The following PJA2 variants were observed in gnomAD, a reference collection of about 807,000 sequenced individuals.
PJA2 encodes E3 ubiquitin-protein ligase Praja-2.
In PJA2, 25 loss-of-function variants were observed where a neutral mutation model predicts 69.3. The observed-to-expected ratio is 0.36, with a 90% CI of 0.26 to 0.50. The LOEUF (loss-of-function observed/expected upper bound fraction) is 0.50. Among genes scored for constraint, PJA2 ranks in the 20% least tolerant of loss-of-function variants. The pLI is 0.96. For synonymous variants in PJA2, 308 were observed against 277.8 expected (o/e 1.11, Z -1.08); for missense variants, 809 against 830.2 (o/e 0.97, Z 0.31).
chr5:109,378,554 T>C lies in PJA2; in HGVS notation c.933A>G (p.Glu311=). 6.2e-7 allele frequency: 1 copy of C among 1,614,198 alleles called. No individual in the cohort carries two copies. The highest frequency in any genetic ancestry group is 8.5e-7 in the Non-Finnish European group (1 of 1,180,022). ...TTCTAACTTTTGGCCTCACTACCTG[T>C]TCAGGAGAACTTCCATGGTTCTTTT... ...DREKNHGSSP[E]QVVRPKVRKL... The change falls in exon 4 of 10, where the codon GAA becomes GAG. Residue 311 remains glutamate, a synonymous_variant. Coordinates refer to ENST00000361189, the MANE Select transcript of PJA2 (RefSeq NM_014819.5).
At chr5:109,371,579 T>C (rs1382196920) in intron 4 of PJA2, among the ~76,000 whole-genome samples, 1 of 152,188 alleles carries the variant, frequency 6.6e-6, no homozygotes. Flanking sequence ...ACCTATATAG[T>C]CAATTATTAA....
At chr5:109,407,842 A>G (rs546183984) in intron 1 of PJA2, among the ~76,000 whole-genome samples, 2 of 152,302 alleles carry the variant, frequency 1.3e-5, no homozygotes, top group East Asian at 3.9e-4. Context: ...CTAACAGTAT[A>G]AAACAAGATG....
chr5:109,367,234 A>G (rs914808778), intron 5 of PJA2, among the ~76,000 whole-genome samples: 10 of 150,072 alleles, frequency 6.7e-5, no homozygotes, highest in African/African-American at 2.4e-4. Context: ...TCAACCTACC[A>G]CTGTTGAAAC....
rs1180576840 is a variant in PJA2 at position 109,378,718 on chromosome 5, G to C, written c.769C>G (p.Gln257Glu). 1.9e-6 allele frequency: 3 copies of C among 1,613,000 alleles called. No homozygotes were observed. Among genetic ancestry groups the C allele is most frequent in the South Asian group, 1.1e-5 (1 of 91,078 alleles). Residue 257 changes from glutamine (Q) to glutamate (E), a missense_variant, in exon 4 of 10, where the codon CAG becomes GAG. Coordinates refer to ENST00000361189, the MANE Select transcript of PJA2 (RefSeq NM_014819.5). ...EFVHQNSQEI[Q>E]RSSQDEMVST... is the part of the protein sequence containing the mutation. Reference sequence around the variant, plus strand: ...ACCATTTCATCTTGAGAAGACCTCTGAATTTCCTGGCTATTCTGATGGACA... The same window carrying C: ...ACCATTTCATCTTGAGAAGACCTCTCAATTTCCTGGCTATTCTGATGGACA...
intron 7 of PJA2, among the ~76,000 whole-genome samples, chr5:109,346,848 T>C (rs1310078067): frequency 6.6e-6 from 1 of 152,232 alleles, no homozygotes; most frequent in East Asian, 1.9e-4. Flanking sequence ...TAGTAAATTT[T>C]ATATTATGTT....
rs76326948 is a variant in PJA2, at chr5:109,384,387, C to G, written c.-87-867G>C. Among the ~76,000 whole-genome samples, 1,156 of 152,276 alleles carry G rather than the reference C, an allele frequency of 7.6e-3. 13 individuals are homozygous for G. Among genetic ancestry groups the G allele is most frequent in the African/African-American group, 0.026 (1,082 of 41,552 alleles). ...AGAACCTATTTTCAATCAGGAAAAA[C>G]TACAATTTATCATGGAACAAATACA... On this transcript the variant is annotated intron_variant, in intron 1 of 9. Coordinates refer to ENST00000361189, the MANE Select transcript of PJA2 (RefSeq NM_014819.5).
chr5:109,394,498 AT>A (rs1747359732), intron 1 of PJA2, among the ~76,000 whole-genome samples: 1 of 152,174 alleles, frequency 6.6e-6, no homozygotes, highest in Admixed American at 6.5e-5. Context: ...GTTGTATTTC[AT>A]TTTGGGTCTG....
chr5:109,339,730 A>C (rs1456711777), intron 9 of PJA2, among the ~76,000 whole-genome samples: 3 of 152,254 alleles, frequency 2.0e-5, no homozygotes, highest in African/African-American at 4.8e-5. Context: ...TTCATTAGTA[A>C]TAAGTTTACC....
At chr5:109,397,564 A>G (rs116768207) in intron 1 of PJA2, among the ~76,000 whole-genome samples, 5,761 of 151,876 alleles carry the variant, frequency 0.038, 110 homozygotes, top group Middle Eastern at 0.049. Context: ...TATTGCCCAG[A>G]CTGGAGGGCA....
intron 1 of PJA2, among the ~76,000 whole-genome samples, chr5:109,402,252 A>G (rs975901259): frequency 3.9e-5 from 6 of 152,298 alleles, no homozygotes; most frequent in African/African-American, 1.4e-4. Flanking sequence ...TAAATAGTCT[A>G]AACACTTCAA....
At chr5:109,399,527 T>G (rs1260925722) in intron 1 of PJA2, among the ~76,000 whole-genome samples, 1 of 151,970 alleles carries the variant, frequency 6.6e-6, no homozygotes, top group Non-Finnish European at 1.5e-5. Context: ...AAGCACAAGG[T>G]AACACTAAGC....
intron 1 of PJA2, among the ~76,000 whole-genome samples, chr5:109,393,564 T>C (rs1402292765): frequency 6.6e-6 from 1 of 151,896 alleles, no homozygotes; most frequent in Admixed American, 6.6e-5. Flanking sequence ...AGCCCAGGAG[T>C]TCGAGGCTGC....
intron 1 of PJA2, among the ~76,000 whole-genome samples, chr5:109,399,488 G>C (rs780675218): frequency 6.6e-6 from 1 of 152,148 alleles, no homozygotes; most frequent in Non-Finnish European, 1.5e-5. Flanking sequence ...GGAACACTTA[G>C]AAAAATCAGG....
chr5:109,341,172 C>A (rs202217447), intron 9 of PJA2, among the ~76,000 whole-genome samples: 116 of 107,666 alleles, frequency 1.1e-3, no homozygotes, highest in African/African-American at 3.4e-3. Flanking sequence ...TCCGCCCGGC[C>A]GCCATCCCAT....
At chr5:109,353,523 A>C (rs1762318358) in intron 7 of PJA2, among the ~76,000 whole-genome samples, 1 of 130,352 alleles carries the variant, frequency 7.7e-6, no homozygotes, top group South Asian at 2.3e-4. Flanking sequence ...TCTATATATT[A>C]GATATCTATA....
intron 1 of PJA2, among the ~76,000 whole-genome samples, chr5:109,407,894 A>T (rs1225279207): frequency 6.6e-6 from 1 of 152,186 alleles, no homozygotes; most frequent in Non-Finnish European, 1.5e-5. Flanking sequence ...AGAGAGACTC[A>T]ATACTATAAA....
intron 6 of PJA2, among the ~76,000 whole-genome samples, chr5:109,359,261 A>C (rs533576207): frequency 1.3e-5 from 2 of 152,318 alleles, no homozygotes; most frequent in East Asian, 3.9e-4. Flanking sequence ...ATATGTGGCA[A>C]TCAACTGTTT....
chr5:109,401,124 A>C (rs1291071641), intron 1 of PJA2, among the ~76,000 whole-genome samples: 3 of 152,170 alleles, frequency 2.0e-5, no homozygotes, highest in African/African-American at 7.2e-5. Flanking sequence ...AAACCCTGTT[A>C]AATACAAAAA....
chr5:109,351,116 TAA>T (rs35779470), intron 7 of PJA2, among the ~76,000 whole-genome samples: 9 of 138,086 alleles, frequency 6.5e-5, no homozygotes, highest in African/African-American at 1.1e-4. Context: ...ATCCTTTGCT[TAA>T]AAAAAAAAAA....
Sources: gnomAD v4.1 joint callset for allele counts (sites outside exome capture counted in the v4.1 genomes callset) on GRCh38, gnomAD v4.1.1 for gene constraint, MANE v1.5 for transcripts, NCBI Gene and HGNC (gene_info 2026-07-23, HGNC 2026-07-21) for gene names.